The following CNTN1 variants were observed in gnomAD, a reference collection of about 807,000 sequenced individuals.
CNTN1 encodes contactin-1.
In CNTN1, 38 loss-of-function variants were observed where a neutral mutation model predicts 126.4. The ratio of observed to expected loss-of-function variants is 0.30; its 90% CI spans 0.23 to 0.39. The LOEUF (loss-of-function observed/expected upper bound fraction) is 0.39, where lower values mean the gene tolerates loss of function less well. Among genes scored for constraint, CNTN1 ranks in the 10% least tolerant of loss-of-function variants. The pLI is 1.00. For missense variants in CNTN1, 1,009 were observed against 1,248.4 expected (o/e 0.81, Z 2.89); for synonymous variants, 413 against 422.6 (o/e 0.98, Z 0.28).
In CNTN1 at chr12:40,942,206, A is replaced by G. The variant is rs146709458; in HGVS notation, c.1380-1391A>G. On this transcript the variant is annotated intron_variant, in intron 12 of 23. Transcript: ENST00000551295. Reference sequence around the variant, plus strand: ...GTAGTGAGAAAAAGTGTGACCCATTAATATTGGTACTGTGTTAATATGTGT... The same window carrying G: ...GTAGTGAGAAAAAGTGTGACCCATTGATATTGGTACTGTGTTAATATGTGT... 2.1e-3 allele frequency among the ~76,000 whole-genome samples: 319 copies of G among 152,258 alleles called. 6 individuals are homozygous for G. The highest frequency in any genetic ancestry group is 0.018 in the Admixed American group (277 of 15,262).
rs149942228 is a variant in CNTN1, at chr12:40,905,698, A to G, written c.-76-2659A>G. The stretch of plus-strand genomic sequence containing the variant: ...AAGTCAATTGCTTGATTGGCATTAA[A>G]GTTTTGGCATTTTTATGTGTTTGCT... On this transcript the variant is annotated intron_variant, in intron 1 of 23. Transcript: ENST00000551295. Among the ~76,000 whole-genome samples, 55 of 152,130 alleles carry G rather than the reference A, an allele frequency of 3.6e-4. 1 individual carries two copies. In the South Asian group the frequency reaches 8.9e-3, roughly 25 times the overall value.
chr12:40,777,802 A>G (rs1939646269), intron 1 of CNTN1, among the ~76,000 whole-genome samples: 1 of 151,778 alleles, frequency 6.6e-6, no homozygotes, highest in African/African-American at 2.4e-5. Context: ...TATACTCAAC[A>G]ACTTTGAGCT....
At chr12:40,790,947 T>G (rs1405549208) in intron 1 of CNTN1, among the ~76,000 whole-genome samples, 1 of 152,132 alleles carries the variant, frequency 6.6e-6, no homozygotes, top group African/African-American at 2.4e-5. Flanking sequence ...ATTGTCTTCA[T>G]AGAATCCCTG....
At chr12:40,894,071 T>C (rs1944322981) in intron 1 of CNTN1, among the ~76,000 whole-genome samples, 1 of 152,124 alleles carries the variant, frequency 6.6e-6, no homozygotes, top group Admixed American at 6.5e-5. Context: ...CCAATATCTC[T>C]ACAGGTACTA....
intron 1 of CNTN1, among the ~76,000 whole-genome samples, chr12:40,866,965 T>G (rs1375632579): frequency 6.6e-6 from 1 of 152,120 alleles, no homozygotes; most frequent in Non-Finnish European, 1.5e-5. Context: ...AAAAGTTACA[T>G]ACATCACTTT....
intron 1 of CNTN1, among the ~76,000 whole-genome samples, chr12:40,715,774 A>C (rs1305123458): frequency 1.3e-5 from 2 of 152,180 alleles, no homozygotes; most frequent in Non-Finnish European, 2.9e-5. Context: ...TGAGATTAAG[A>C]ATCAAATTCC....
chr12:40,890,706 A>G (rs79650534), intron 1 of CNTN1, among the ~76,000 whole-genome samples: 2,909 of 152,268 alleles, frequency 0.019, 96 homozygotes, highest in African/African-American at 0.067. Flanking sequence ...AGTGCTAAAT[A>G]ATACTCCATG....
chr12:40,862,940 A>G (rs1943166419), intron 1 of CNTN1, among the ~76,000 whole-genome samples: 1 of 152,190 alleles, frequency 6.6e-6, no homozygotes, highest in Admixed American at 6.5e-5. Flanking sequence ...AAGCATTTTT[A>G]TATTTATTAA....
intron 1 of CNTN1, among the ~76,000 whole-genome samples, chr12:40,809,699 C>T (rs147392711): frequency 2.6e-3 from 393 of 151,926 alleles, no homozygotes; most frequent in African/African-American, 8.9e-3. Flanking sequence ...GCCTGTAATC[C>T]CAGCTACTCA....
In CNTN1 at chr12:40,739,402, C is replaced by T. The variant is rs147731098; in HGVS notation, c.-77+46810C>T. ...ATGTTCTTGATCACATAATGTGCAG[C>T]GTTTTGAAATGTGTAAGAATGATTA... is the stretch of plus-strand genomic sequence containing the variant. On this transcript the variant is annotated intron_variant, in intron 1 of 23. Coordinates refer to ENST00000551295, the MANE Select transcript of CNTN1 (RefSeq NM_001843.4). Among the ~76,000 whole-genome samples, 19 of 152,058 alleles carry T rather than the reference C, an allele frequency of 1.2e-4. 1 individual carries two copies. Among genetic ancestry groups the T allele is most frequent in the African/African-American group, 3.9e-4 (16 of 41,510 alleles).
At chr12:40,717,289 T>G (rs1435420346) in intron 1 of CNTN1, among the ~76,000 whole-genome samples, 1 of 152,172 alleles carries the variant, frequency 6.6e-6, no homozygotes, top group African/African-American at 2.4e-5. Context: ...TTTACCTAAA[T>G]GTATATATAA....
At chr12:40,898,055 T>A (rs1008960900) in intron 1 of CNTN1, among the ~76,000 whole-genome samples, 1 of 152,196 alleles carries the variant, frequency 6.6e-6, no homozygotes, top group African/African-American at 2.4e-5. Flanking sequence ...TACTTCCTCC[T>A]GGATCTGCTT....
Position 40,922,296 on chromosome 12 carries a change from C to G in CNTN1, c.268C>G (p.Arg90Gly). Residue 90 changes from arginine to glycine, a missense_variant, in exon 5 of 24, where the codon CGA becomes GGA. By Grantham distance (125) the Arg-to-Gly change is moderately radical. Coordinates refer to ENST00000551295, the MANE Select transcript of CNTN1 (RefSeq NM_001843.4). ...TGGGGACGTTGATCTCACAAGTGAT[C>G]GATACAGTATGGTAGGAGGAAACCT... ...NNGDVDLTSD[R>G]YSMVGGNLVI... The G allele has an allele frequency of 6.2e-7, 1 of 1,613,802 alleles. No homozygotes were observed. Among genetic ancestry groups the G allele is most frequent in the Non-Finnish European group, 8.5e-7 (1 of 1,179,850 alleles).
intron 23 of CNTN1, among the ~76,000 whole-genome samples, chr12:41,051,553 C>T (rs1000583487): frequency 4.6e-5 from 7 of 151,102 alleles, no homozygotes; most frequent in African/African-American, 1.7e-4. Context: ...AGAAACAAAA[C>T]CAAAAAAAAT....
At chr12:40,696,348 G>T (rs1941452578) in intron 1 of CNTN1, among the ~76,000 whole-genome samples, 1 of 152,138 alleles carries the variant, frequency 6.6e-6, no homozygotes, top group Non-Finnish European at 1.5e-5. Flanking sequence ...GTCAGTAATT[G>T]ATTCATTTTT....
intron 17 of CNTN1, among the ~76,000 whole-genome samples, chr12:41,001,567 A>G (rs1007540706): frequency 8.6e-5 from 13 of 152,020 alleles, no homozygotes; most frequent in African/African-American, 3.1e-4. Context: ...ACTCTGTTGT[A>G]GTTTCCTTTG....
At chr12:40,918,349 G>C (rs969977534) in intron 3 of CNTN1, among the ~76,000 whole-genome samples, 1 of 152,092 alleles carries the variant, frequency 6.6e-6, no homozygotes, top group African/African-American at 2.4e-5. Context: ...AAAACCGAAA[G>C]CATATGCGGA....
At chr12:41,057,526 T>G (rs2121080472) in intron 23 of CNTN1, among the ~76,000 whole-genome samples, 1 of 152,184 alleles carries the variant, frequency 6.6e-6, no homozygotes, top group South Asian at 2.1e-4. Flanking sequence ...AATGTAATTC[T>G]CAGAATATGC....
intron 1 of CNTN1, among the ~76,000 whole-genome samples, chr12:40,849,977 C>CTA (rs1165502755): frequency 2.5e-3 from 380 of 150,658 alleles, no homozygotes; most frequent in South Asian, 7.5e-3. Context: ...TTAGTGAGAT[C>CTA]TATATATATA....
Sources: allele counts gnomAD v4.1 joint callset (sites outside exome capture counted in the v4.1 genomes callset), GRCh38; gene constraint gnomAD v4.1.1; transcripts MANE v1.5; gene names NCBI Gene and HGNC (gene_info 2026-07-23, HGNC 2026-07-21).